GNAS: variants seen among roughly 807,000 people sequenced by gnomAD.
GNAS encodes the protein protein ALEX.
A neutral mutation model predicts 54.5 loss-of-function variants in GNAS; 8 were observed. The ratio of observed to expected loss-of-function variants is 0.15; its 90% CI spans 0.09 to 0.26. The LOEUF is 0.26. Among genes scored for constraint, GNAS ranks in the 10% least tolerant of loss-of-function variants. The pLI, the probability that GNAS is intolerant of heterozygous loss-of-function variation, is 1.00. For synonymous variants in GNAS, 204 were observed against 191.4 expected, an observed-to-expected ratio of 1.07 and a Z score of -0.54; for missense variants, 170 against 529.8, an observed-to-expected ratio of 0.32 and a Z score of 6.67.
chr20:58,871,532 T>C (rs1029530630), intron 1 of GNAS, among the ~76,000 whole-genome samples: 5 of 148,758 alleles, frequency 3.4e-5, no homozygotes, highest in Admixed American at 6.7e-5. Flanking sequence ...GAGAATCGCT[T>C]GAACCCGGGA....
rs1168949651 is a variant in GNAS, at chr20:58,909,736, C to A, written c.771C>A (p.Ile257=). 3 of 1,613,936 alleles carry A rather than the reference C, an allele frequency of 1.9e-6. No individual in the cohort carries two copies. The highest frequency in any genetic ancestry group is 2.5e-6 in the Non-Finnish European group (3 of 1,179,934). The change falls in exon 10 of 13, where the codon ATC becomes ATA. Residue 257 remains isoleucine, a synonymous_variant. Transcript: ENST00000371085. The surrounding 1 kb of genome is among the most constrained non-coding windows in gnomAD (Gnocchi z 7.3). ...CCAGCAGCAGCTACAACATGGTCAT[C>A]CGGGAGGACAACCAGACCAACCGCC... The part of the protein sequence containing the change: ...VVASSSYNMV[I]REDNQTNRLQ...
At chr20:58,892,115 C>T (rs1600982119) in intron 1 of GNAS, 6 of 968,452 alleles carry the variant, frequency 6.2e-6, no homozygotes, top group Non-Finnish European at 6.1e-6. Flanking sequence ...CCGGCCTGCC[C>T]GCTCAGTGTC....
Position 58,909,880 on chromosome 20 carries a change from G to C in GNAS, c.840-71G>C. On this transcript the variant is annotated intron_variant, in intron 10 of 12. Transcript: ENST00000371085. The surrounding 1 kb of genome is among the most constrained non-coding windows in gnomAD (Gnocchi z 7.3). Reference sequence around the variant, plus strand: ...TGCACTGTTTATAGAGAAGAACCCCGTGCAAGCATTCCAGACCCCTGGCCG... The same window carrying C: ...TGCACTGTTTATAGAGAAGAACCCCCTGCAAGCATTCCAGACCCCTGGCCG... 2 of 1,612,732 alleles carry C rather than the reference G, an allele frequency of 1.2e-6. No homozygotes were observed. The highest frequency in any genetic ancestry group is 1.7e-6 in the Non-Finnish European group (2 of 1,179,478).
upstream of GNAS, chr20:58,891,397 A>AGCGGCGGCG (rs1010612633): frequency 1.2e-5 from 3 of 242,268 alleles, no homozygotes; most frequent in African/African-American, 2.5e-5. Flanking sequence ...AGGCAATAAG[A>AGCGGCGGCG]GCGGCGGCGG....
chr20:58,902,346 T>G (rs1037773754), intron 3 of GNAS, among the ~76,000 whole-genome samples: 1 of 152,174 alleles, frequency 6.6e-6, no homozygotes, highest in African/African-American at 2.4e-5. Flanking sequence ...TGGCTGTGCT[T>G]CTAATGAAGG....
upstream of GNAS, chr20:58,840,365 G>A (rs942246524): frequency 1.2e-6 from 2 of 1,613,344 alleles, no homozygotes; most frequent in African/African-American, 1.3e-5. The surrounding 1 kb of genome is among the most constrained non-coding windows in gnomAD (Gnocchi z 6.0). Context: ...ATCTGACCAC[G>A]AGCACGAGGA....
In GNAS at chr20:58,854,617, C is replaced by G. The variant is rs1381864620; in HGVS notation, c.43+13731C>G. The stretch of plus-strand genomic sequence containing the variant: ...TCCGGGGCGGCCCCTGACGCCCCAG[C>G]CGATCCCGACTCCGGGGCGGCCCCT... On this transcript the variant is annotated intron_variant, in intron 1 of 12. Transcript: ENST00000306090. 1 of 1,538,822 alleles carries G rather than the reference C, an allele frequency of 6.5e-7. No homozygotes were observed. Among genetic ancestry groups the G allele is most frequent in the East Asian group, 2.5e-5 (1 of 40,810 alleles).
In GNAS at chr20:58,910,031, A is replaced by T. The variant is rs2146292580; in HGVS notation, c.920A>T (p.Lys307Met). 1 of 1,613,664 alleles carries T rather than the reference A, an allele frequency of 6.2e-7. No homozygotes were observed. The highest frequency in any genetic ancestry group is 1.6e-4 in the Middle Eastern group (1 of 6,062). Residue 307 changes from lysine to methionine, a missense_variant, in exon 11 of 13, where the codon AAG becomes ATG. This residue lies in a region of GNAS where 36 missense variants were observed against 223.0 expected (regional missense o/e 0.16). Transcript: ENST00000371085. The surrounding 1 kb of genome is among the most constrained non-coding windows in gnomAD (Gnocchi z 5.8). ...LAEKVLAGKS[K>M]IEDYFPEFAR... The stretch of plus-strand genomic sequence containing the variant: ...GAGAAAGTCCTTGCTGGGAAATCGA[A>T]GATTGAGGACTACTTTCCAGAATTT...
At chr20:58,895,474 A>G in intron 1 of GNAS, 138 bp from the exon 2 acceptor site, 1 of 704,462 alleles carries the variant, frequency 1.4e-6, no homozygotes, top group Non-Finnish European at 2.6e-6. Flanking sequence ...AATGTCAAGG[A>G]AAGTTGCAAG....
rs2087389557 is a variant in GNAS, at chr20:58,870,766, C to T, written c.44-24846C>T. On this transcript the variant is annotated intron_variant, in intron 1 of 12. Coordinates refer to the GNAS transcript ENST00000306090. ...CCTCCCTTAGAGGGAACCACACCCT[C>T]TTAGAACTCTCCCTTCTGGGGCCCA... Among the ~76,000 whole-genome samples, 6 of 152,186 alleles carry T rather than the reference C, an allele frequency of 3.9e-5. No individual in the cohort carries two copies. In the South Asian group the frequency reaches 1.2e-3, roughly 31 times the overall value.
intron 1 of GNAS, chr20:58,842,097 C>A: frequency 2.5e-6 from 1 of 402,304 alleles, no homozygotes; most frequent in Non-Finnish European, 4.4e-6. Context: ...ATTTTCAGCA[C>A]GGGTAGAGTT....
chr20:58,857,077 ATTCTCTAAGACT>A lies in GNAS; in HGVS notation c.43+16203_43+16214del, dbSNP rs2086554119. ...TTCACAAGCTTAATTTTTACATTTT[ATTCTCTAAGACT>A]TTCTCTAAGACCTTCCAAGGGATTT... is the stretch of plus-strand genomic sequence containing the variant. On this transcript the variant is annotated intron_variant, in intron 1 of 12. Coordinates refer to the GNAS transcript ENST00000306090. The surrounding 1 kb of genome is among the most constrained non-coding windows in gnomAD (Gnocchi z 4.1). 6.6e-6 allele frequency: 1 copy of A among 152,196 alleles called. No individual in the cohort carries two copies. Among genetic ancestry groups the A allele is most frequent in the African/African-American group, 2.4e-5 (1 of 41,448 alleles). The allele number at this position is 152,196 out of a possible 1,614,324, so 9.4% of individuals were successfully genotyped here.
chr20:58,842,532 T>C (rs6026553), intron 1 of GNAS: 16,250 of 398,594 alleles, frequency 0.041, 726 homozygotes, highest in African/African-American at 0.15. Context: ...GGTTGGATGC[T>C]TTTGTGGTCT....
chr20:58,909,544 G>A lies in GNAS; in HGVS notation c.683G>A (p.Arg228His), dbSNP rs1317816474. ...AGCATGTTTGACGTGGGTGGCCAGC[G>A]CGATGAACGCCGCAAGTGGATCCAG... ...NFHMFDVGGQ[R>H]DERRKWIQCF... Residue 228 changes from arginine (R) to histidine (H), a missense_variant, in exon 9 of 13, where the codon CGC becomes CAC. Transcript: ENST00000371085. This position sits in a 1 kb window ranked among gnomAD's most constrained non-coding sequence, Gnocchi z 7.3. The A allele has an allele frequency of 3.1e-6, 5 of 1,614,048 alleles. No individual in the cohort carries two copies. The highest frequency in any genetic ancestry group is 3.4e-6 in the Non-Finnish European group (4 of 1,180,030).
upstream of GNAS, chr20:58,840,450 CCGAGTCCGAAAT>C (rs587778387): frequency 2.3e-5 from 37 of 1,613,376 alleles, no homozygotes; most frequent in Admixed American, 3.3e-5. The surrounding 1 kb of genome is among the most constrained non-coding windows in gnomAD (Gnocchi z 6.0). Flanking sequence ...GAGAGCGAGA[CCGAGTCCGAAAT>C]CGAGTCCGAG....
intron 1 of GNAS, among the ~76,000 whole-genome samples, chr20:58,864,311 C>T (rs2086920823): frequency 6.6e-6 from 1 of 152,126 alleles, no homozygotes; most frequent in African/African-American, 2.4e-5. Context: ...AAAAGACAGA[C>T]CTTATTTATA....
In GNAS at chr20:58,903,596, G is replaced by A. The variant is rs760683291; in HGVS notation, c.312+11G>A. 7 of 1,613,910 alleles carry A rather than the reference G, an allele frequency of 4.3e-6. No homozygotes were observed. The South Asian group carries it at 4.4e-5, about 10-fold the overall frequency. ...AAAGAGGCGATTGAAGTACGTGCTGGCTCCTTGTGCTGTCTGTCTTGTAGC... is the reference window on the plus strand; with the variant it reads ...AAAGAGGCGATTGAAGTACGTGCTGACTCCTTGTGCTGTCTGTCTTGTAGC... On this transcript the variant is annotated intron_variant, in intron 4 of 12. Coordinates refer to ENST00000371085, the MANE Select transcript of GNAS (RefSeq NM_000516.7).
intron 1 of GNAS, among the ~76,000 whole-genome samples, chr20:58,844,554 C>T (rs2085868562): frequency 6.6e-6 from 1 of 152,164 alleles, no homozygotes; most frequent in African/African-American, 2.4e-5. Context: ...AGACCCAACA[C>T]CCCTCTGCCT....
rs548303494 is a variant in GNAS at position 58,843,830 on chromosome 20, C to T, written c.43+2944C>T. 1.1e-4 allele frequency among the ~76,000 whole-genome samples: 17 copies of T among 152,274 alleles called. No homozygotes were observed. The South Asian group carries it at 3.5e-3, about 32-fold the overall frequency. On this transcript the variant is annotated intron_variant, in intron 1 of 12. Transcript: ENST00000306090. Reference sequence around the variant, plus strand: ...TTATCTGAGCTGGGAATTTATGTTGCAATGTTCCAATATTGTGTGGGGTCA... The same window carrying T: ...TTATCTGAGCTGGGAATTTATGTTGTAATGTTCCAATATTGTGTGGGGTCA...
Sources: gnomAD v4.1 joint callset for allele counts (sites outside exome capture counted in the v4.1 genomes callset) on GRCh38, gnomAD v4.1.1 for gene constraint, gnomAD v4.1.1 regional missense constraint, Gnocchi (gnomAD v3.1) non-coding constraint, MANE v1.5 for transcripts, NCBI Gene and HGNC (gene_info 2026-07-23, HGNC 2026-07-21) for gene names.